The following XKR9 variants were observed in gnomAD, a reference collection of about 807,000 sequenced individuals.
XKR9 encodes XK-related protein 9.
XKR9 carries 32 observed loss-of-function variants against 32.0 expected under a neutral mutation model. The observed-to-expected ratio is 1.00, with a 90% CI of 0.76 to 1.34. The LOEUF is 1.34. Ranked by LOEUF, XKR9 falls within the 40% of genes most tolerant of loss-of-function variation. The probability of loss-of-function intolerance (pLI) is 0.00; values close to 1 mark genes in which losing one functional copy is unlikely to be tolerated. For synonymous variants in XKR9, 168 were observed against 143.4 expected (o/e 1.17, Z -1.22); for missense variants, 546 against 429.7 (o/e 1.27, Z -2.39).
Position 70,734,898 on chromosome 8 carries a change from C to T in XKR9, c.*474C>T, listed in dbSNP as rs887158347. 2.0e-5 allele frequency: 3 copies of T among 152,406 alleles called. No homozygotes were observed. The highest frequency in any genetic ancestry group is 7.2e-5 in the African/African-American group (3 of 41,438). The allele number at this position is 152,406 out of a possible 1,614,324, so 9.4% of individuals were successfully genotyped here. A position where few individuals can be genotyped will look rare whatever the true frequency, so the allele number is the denominator to read the frequency against. ...GGGAAAGCAGAAAACAAATTTTTAG[C>T]ATCTGCTGTGCTTTCATCCATGAAA... On this transcript the variant is annotated 3_prime_UTR_variant, in exon 5 of 5. Coordinates refer to ENST00000408926, the MANE Select transcript of XKR9 (RefSeq NM_001011720.2).
the XKR9 span, among the ~76,000 whole-genome samples, chr8:71,004,009 T>C: frequency 6.6e-6 from 1 of 150,846 alleles, no homozygotes. Flanking sequence ...AAGGGCATCA[T>C]GGGCAGACAG....
intron 2 of XKR9, among the ~76,000 whole-genome samples, chr8:70,774,924 A>G (rs1298001725): frequency 6.6e-6 from 1 of 152,126 alleles, no homozygotes; most frequent in Non-Finnish European, 1.5e-5. Flanking sequence ...AAAAAACCTG[A>G]TAGAATTTTG....
intron 4 of XKR9, among the ~76,000 whole-genome samples, chr8:70,711,865 A>G (rs1369405513): frequency 2.2e-5 from 2 of 91,446 alleles, no homozygotes; most frequent in Non-Finnish European, 5.3e-5. Context: ...GGATCAAAAA[A>G]CTATGTATTG....
chr8:70,687,459 T>G (rs1819339962), intron 3 of XKR9, among the ~76,000 whole-genome samples: 1 of 151,748 alleles, frequency 6.6e-6, no homozygotes, highest in Non-Finnish European at 1.5e-5. Context: ...AACCTCGAAC[T>G]CCTGGGCTCA....
At chr8:70,739,793 G>A (rs1051267556), downstream of XKR9, among the ~76,000 whole-genome samples, 5 of 152,176 alleles carry the variant, frequency 3.3e-5, no homozygotes, top group African/African-American at 1.2e-4. Flanking sequence ...TTGAATATTG[G>A]CCCCCACTCT....
the XKR9 span, among the ~76,000 whole-genome samples, chr8:70,844,093 G>A: frequency 6.6e-6 from 1 of 152,204 alleles, no homozygotes; most frequent in East Asian, 1.9e-4. Context: ...CCAGGACAAA[G>A]AGAGCTACAA....
chr8:70,848,072 A>G, the XKR9 span, among the ~76,000 whole-genome samples: 1 of 152,160 alleles, frequency 6.6e-6, no homozygotes, highest in Non-Finnish European at 1.5e-5. Context: ...TCTCAACAAA[A>G]TAACTAGCAA....
At chr8:71,037,972 G>A in the XKR9 span, among the ~76,000 whole-genome samples, 8 of 152,240 alleles carry the variant, frequency 5.3e-5, no homozygotes, top group Non-Finnish European at 1.2e-4. Context: ...GCAAAAGTTA[G>A]GTTAGTTTAT....
At chr8:71,027,779 CG>C in the XKR9 span, among the ~76,000 whole-genome samples, 8,619 of 116,912 alleles carry the variant, frequency 0.074, 388 homozygotes, top group African/African-American at 0.15. Context: ...TTTTTTTTGG[CG>C]GGGGGGGGGG....
At chr8:70,844,230 G>A in the XKR9 span, among the ~76,000 whole-genome samples, 7 of 152,188 alleles carry the variant, frequency 4.6e-5, no homozygotes, top group Non-Finnish European at 1.0e-4. Flanking sequence ...TGCAGCTGAG[G>A]GCCAAAGTGC....
At chr8:70,905,145 T>C in the XKR9 span, among the ~76,000 whole-genome samples, 1 of 152,328 alleles carries the variant, frequency 6.6e-6, no homozygotes, top group East Asian at 1.9e-4. Flanking sequence ...TTCTCTGTAT[T>C]TCCTGAATTT....
At chr8:70,975,970 T>G in the XKR9 span, among the ~76,000 whole-genome samples, 1 of 152,166 alleles carries the variant, frequency 6.6e-6, no homozygotes, top group Non-Finnish European at 1.5e-5. Context: ...CCCTTGGAAG[T>G]TGGATTCCTA....
intron 4 of XKR9, among the ~76,000 whole-genome samples, chr8:70,714,282 A>G (rs77349145): frequency 6.6e-6 from 1 of 152,178 alleles, no homozygotes; most frequent in Admixed American, 6.6e-5. Context: ...TACGCAATAC[A>G]GTCCATAAAA....
At chr8:71,025,916 A>C in the XKR9 span, among the ~76,000 whole-genome samples, 1 of 151,772 alleles carries the variant, frequency 6.6e-6, no homozygotes, top group African/African-American at 2.4e-5. Flanking sequence ...ATTTCATTCC[A>C]TATCCTACAT....
chr8:70,880,654 C>T, the XKR9 span, among the ~76,000 whole-genome samples: 1 of 152,162 alleles, frequency 6.6e-6, no homozygotes, highest in African/African-American at 2.4e-5. Context: ...ATTCCATGCT[C>T]ATCGATAGGA....
chr8:71,003,733 G>A, the XKR9 span, among the ~76,000 whole-genome samples: 1 of 152,176 alleles, frequency 6.6e-6, no homozygotes, highest in South Asian at 2.1e-4. Flanking sequence ...CAACCAGAAA[G>A]AACAAAGTTA....
chr8:70,912,495 A>G, the XKR9 span, among the ~76,000 whole-genome samples: 12,737 of 152,218 alleles, frequency 0.084, 611 homozygotes, highest in African/African-American at 0.097. Context: ...AGTATCTGCC[A>G]TGGTTAACTG....
the XKR9 span, among the ~76,000 whole-genome samples, chr8:70,861,199 T>G: frequency 1.3e-5 from 2 of 151,638 alleles, no homozygotes; most frequent in Non-Finnish European, 2.9e-5. Context: ...CTTCACAGAG[T>G]TTTTTAAGAA....
chr8:70,799,968 TC>T, the XKR9 span, among the ~76,000 whole-genome samples: 1 of 152,176 alleles, frequency 6.6e-6, no homozygotes, highest in Admixed American at 6.5e-5. Context: ...TTCCAGCTTT[TC>T]CCATTCAATA....
Sources: gnomAD v4.1 joint callset for allele counts (sites outside exome capture counted in the v4.1 genomes callset) on GRCh38, gnomAD v4.1.1 for gene constraint, MANE v1.5 for transcripts, NCBI Gene and HGNC (gene_info 2026-07-23, HGNC 2026-07-21) for gene names.